Variants in IPO8 observed in about 807,000 individuals in gnomAD.
IPO8 encodes the protein importin 8.
IPO8 carries 65 observed loss-of-function variants against 141.2 expected under a neutral mutation model. The ratio of observed to expected loss-of-function variants is 0.46; its 90% confidence interval spans 0.38 to 0.57. The LOEUF (loss-of-function observed/expected upper bound fraction) is 0.57, where lower values mean the gene tolerates loss of function less well. Among genes scored for constraint, IPO8 ranks in the 20% least tolerant of loss-of-function variants. IPO8 has a pLI of 0.00. For missense variants in IPO8, 980 were observed against 1,246.8 expected (o/e 0.79, Z 3.22); for synonymous variants, 411 against 420.3 (o/e 0.98, Z 0.27).
intron 16 of IPO8, among the ~76,000 whole-genome samples, chr12:30,658,444 G>A (rs1205923630): frequency 1.3e-5 from 2 of 152,024 alleles, no homozygotes; most frequent in Non-Finnish European, 2.9e-5. Context: ...TTTGTCTTTA[G>A]GTAAGGATGC....
chr12:30,645,321 C>A (rs2052629929), intron 20 of IPO8, among the ~76,000 whole-genome samples: 1 of 148,346 alleles, frequency 6.7e-6, no homozygotes, highest in Non-Finnish European at 1.5e-5. Context: ...TGCAGTAAGC[C>A]AAGATTGCGC....
intron 8 of IPO8, among the ~76,000 whole-genome samples, chr12:30,672,957 TA>T (rs140703917): frequency 3.7e-4 from 54 of 147,404 alleles, no homozygotes; most frequent in East Asian, 7.9e-4. Flanking sequence ...AAGAGCTATT[TA>T]AAAAAAAAAA....
intron 10 of IPO8, among the ~76,000 whole-genome samples, chr12:30,667,654 G>A (rs2052985993): frequency 6.6e-6 from 1 of 152,132 alleles, no homozygotes; most frequent in African/African-American, 2.4e-5. Context: ...AACGATTAAA[G>A]AAAACTCACT....
At chr12:30,678,400 T>C (rs2053149915) in intron 5 of IPO8, among the ~76,000 whole-genome samples, 1 of 152,178 alleles carries the variant, frequency 6.6e-6, no homozygotes. Context: ...GCATATCTTT[T>C]CTATTACTTA....
chr12:30,642,610 TATC>T (rs1299985485), intron 20 of IPO8, among the ~76,000 whole-genome samples: 2 of 151,358 alleles, frequency 1.3e-5, no homozygotes, highest in African/African-American at 4.8e-5. Flanking sequence ...TGTAGCTAAT[TATC>T]AATTTATTAA....
chr12:30,650,540 T>C (rs1454605975), intron 19 of IPO8, among the ~76,000 whole-genome samples: 4 of 152,090 alleles, frequency 2.6e-5, no homozygotes, highest in Non-Finnish European at 5.9e-5. Flanking sequence ...CCAGGCTGCT[T>C]AGGTTCAAAC....
chr12:30,632,864 G>A (rs2052451908), intron 23 of IPO8, among the ~76,000 whole-genome samples: 1 of 152,186 alleles, frequency 6.6e-6, no homozygotes, highest in Non-Finnish European at 1.5e-5. Context: ...CCTCAGTCCA[G>A]AATTCAAGGC....
At chr12:30,681,854 A>G (rs2136170504) in intron 3 of IPO8, 37 bp from the exon 4 acceptor site, 1 of 1,546,738 alleles carries the variant, frequency 6.5e-7, no homozygotes, top group African/African-American at 1.4e-5. Context: ...AATCTAAGTA[A>G]TTATAAATAC....
At chr12:30,694,724 T>C (rs2053320858) in intron 1 of IPO8, among the ~76,000 whole-genome samples, 1 of 152,204 alleles carries the variant, frequency 6.6e-6, no homozygotes, top group Non-Finnish European at 1.5e-5. Context: ...ATTTTACAAG[T>C]CATCACAACC....
Position 30,661,252 on chromosome 12 carries a change from G to A in IPO8, c.1770C>T (p.Gly590=). The part of the protein sequence containing the change: ...DMTQHLAEIF[G]KVLQSDEYEE... The stretch of plus-strand genomic sequence containing the variant: ...CATATTCATCACTTTGAAGAACTTT[G>A]CCAAATATCTCAGCCTATGAAAATA... Residue 590 remains glycine, a synonymous_variant, in exon 16 of 25, where the codon GGC becomes GGT. Coordinates refer to ENST00000256079, the MANE Select transcript of IPO8 (RefSeq NM_006390.4). 6.3e-7 allele frequency: 1 copy of A among 1,591,362 alleles called. No homozygotes were observed. The highest frequency in any genetic ancestry group is 8.5e-7 in the Non-Finnish European group (1 of 1,170,768).
chr12:30,656,762 T>C lies in IPO8; in HGVS notation c.1882-12A>G, dbSNP rs1281887322. The C allele has an allele frequency of 7.5e-7, 1 of 1,333,984 alleles. No homozygotes were observed. The highest frequency in any genetic ancestry group is 1.0e-6 in the Non-Finnish European group (1 of 962,452). 82.6% of individuals were successfully genotyped at this position (1,333,984 alleles called of 1,614,324 possible). On this transcript the variant is annotated splice_polypyrimidine_tract_variant and intron_variant, in intron 16 of 24. Coordinates refer to ENST00000256079, the MANE Select transcript of IPO8 (RefSeq NM_006390.4). ...AACTGCTGGGTAATCTAAAGATAAA[T>C]GTTAAATATTAAGCTTAAAATTATC...
At chr12:30,655,767 C>T (rs1446373087) in intron 17 of IPO8, among the ~76,000 whole-genome samples, 4 of 152,220 alleles carry the variant, frequency 2.6e-5, no homozygotes, top group African/African-American at 9.6e-5. Context: ...CATATATTAG[C>T]AGTGCATGCT....
chr12:30,686,991 T>C (rs2053248770), intron 2 of IPO8, among the ~76,000 whole-genome samples: 1 of 152,148 alleles, frequency 6.6e-6, no homozygotes, highest in South Asian at 2.1e-4. Context: ...TGGATAATTA[T>C]GGATTACTAA....
chr12:30,652,841 A>G lies in IPO8; in HGVS notation c.2074+126T>C, dbSNP rs2052746964. On this transcript the variant is annotated intron_variant, in intron 18 of 24. Transcript: ENST00000256079. ...CACTGCTACAATAGCCCCAGCTTTT[A>G]TGTGACCGGGAAATAAAAACATTTT... 7 of 897,172 alleles carry G rather than the reference A, an allele frequency of 7.8e-6. No individual in the cohort carries two copies. In the South Asian group the frequency reaches 1.3e-4, roughly 16 times the overall value. The allele number at this position is 897,172 out of a possible 1,614,324, so 55.6% of individuals were successfully genotyped here. A position where few individuals can be genotyped will look rare whatever the true frequency, so the allele number is the denominator to read the frequency against.
At chr12:30,674,400 G>C (rs2053091391) in intron 7 of IPO8, among the ~76,000 whole-genome samples, 1 of 152,174 alleles carries the variant, frequency 6.6e-6, no homozygotes, top group Non-Finnish European at 1.5e-5. Flanking sequence ...TTACGGAGTT[G>C]AGTGACCATG....
At chr12:30,631,776 A>AC (rs1403982680) in intron 24 of IPO8, 119 bp downstream of exon 24, 5 of 653,500 alleles carry the variant, frequency 7.7e-6, no homozygotes, top group Non-Finnish European at 1.4e-5. Context: ...TTATTATCTT[A>AC]AAGGGTAAGT....
At chr12:30,680,258 C>A in intron 5 of IPO8, 1 of 392,532 alleles carries the variant, frequency 2.5e-6, no homozygotes, top group Non-Finnish European at 4.5e-6. Flanking sequence ...CTGCTTTACC[C>A]ATGATTTCAG....
intron 13 of IPO8, 96 bp downstream of exon 13, chr12:30,665,124 A>G: frequency 1.4e-6 from 1 of 696,810 alleles, no homozygotes; most frequent in African/African-American, 1.8e-5. Context: ...ATTTCATCTC[A>G]ATATGTGGCA....
chr12:30,633,976 T>A (rs1482963345), intron 23 of IPO8, 107 bp downstream of exon 23: 24 of 965,442 alleles, frequency 2.5e-5, no homozygotes, highest in East Asian at 1.1e-4. Context: ...AACAAAAAAA[T>A]TTTTAAAAGA....
Sources: gnomAD v4.1 joint callset for allele counts (sites outside exome capture counted in the v4.1 genomes callset) on GRCh38, gnomAD v4.1.1 for gene constraint, MANE v1.5 for transcripts, NCBI Gene and HGNC (gene_info 2026-07-23, HGNC 2026-07-21) for gene names.